SKAP1: variants seen among roughly 807,000 people sequenced by gnomAD.
The protein encoded by SKAP1 is src kinase-associated phosphoprotein 1.
SKAP1 carries 44 observed loss-of-function variants against 58.5 expected under a neutral mutation model. The observed-to-expected ratio is 0.75, with a 90% CI of 0.59 to 0.97. SKAP1 has a LOEUF of 0.97. Ranked by LOEUF, SKAP1 falls within the 50% of genes least tolerant of loss-of-function variation. SKAP1 has a pLI of 0.00. For missense variants in SKAP1, 390 were observed against 435.2 expected (o/e 0.90, Z 0.92); for synonymous variants, 127 against 149.7 (o/e 0.85, Z 1.11).
chr17:48,412,331 A>G (rs2067674813), intron 1 of SKAP1, among the ~76,000 whole-genome samples: 1 of 152,222 alleles, frequency 6.6e-6, no homozygotes, highest in Non-Finnish European at 1.5e-5. Flanking sequence ...TGCCATTTTC[A>G]TCATCTTCTT....
chr17:48,212,742 A>G (rs941180750), intron 4 of SKAP1, among the ~76,000 whole-genome samples: 2 of 152,216 alleles, frequency 1.3e-5, no homozygotes, highest in Non-Finnish European at 2.9e-5. Context: ...TATCTTTTCC[A>G]ATCTGATCTC....
intron 4 of SKAP1, among the ~76,000 whole-genome samples, chr17:48,335,940 T>C (rs1400012716): frequency 6.6e-6 from 1 of 152,158 alleles, no homozygotes; most frequent in Non-Finnish European, 1.5e-5. Flanking sequence ...TACGCACAGA[T>C]ACATATAACA....
chr17:48,159,255 GT>G (rs1483053141), intron 11 of SKAP1, among the ~76,000 whole-genome samples: 2 of 152,220 alleles, frequency 1.3e-5, no homozygotes, highest in African/African-American at 2.4e-5. Flanking sequence ...TTCTTTAGCA[GT>G]TTTGCAGTGT....
intron 4 of SKAP1, among the ~76,000 whole-genome samples, chr17:48,234,605 G>T (rs2065159854): frequency 6.6e-6 from 1 of 152,112 alleles, no homozygotes; most frequent in African/African-American, 2.4e-5. Context: ...TTAATCAGAT[G>T]CAATCCAACC....
chr17:48,139,157 G>C (rs922935436), intron 11 of SKAP1, among the ~76,000 whole-genome samples: 2 of 152,030 alleles, frequency 1.3e-5, no homozygotes, highest in African/African-American at 4.8e-5. Context: ...GGGATTACAG[G>C]TGTGAGCCAC....
intron 4 of SKAP1, among the ~76,000 whole-genome samples, chr17:48,321,262 A>G (rs2066358851): frequency 6.6e-6 from 1 of 152,040 alleles, no homozygotes; most frequent in African/African-American, 2.4e-5. Flanking sequence ...TTCAAGATAG[A>G]GAGATAGTTA....
chr17:48,281,406 C>G (rs1228423340), intron 4 of SKAP1, among the ~76,000 whole-genome samples: 16 of 152,190 alleles, frequency 1.1e-4, no homozygotes, highest in Admixed American at 9.2e-4. Flanking sequence ...ATGGCACTCC[C>G]TGATGGGGTT....
At chr17:48,248,906 A>G (rs1347689972) in intron 4 of SKAP1, 1 of 152,192 alleles carries the variant, frequency 6.6e-6, no homozygotes. Flanking sequence ...AGATAAGAAC[A>G]TTTAATTAGG....
intron 11 of SKAP1, among the ~76,000 whole-genome samples, chr17:48,147,309 T>TCATA (rs1372737364): frequency 1.3e-5 from 2 of 152,196 alleles, no homozygotes; most frequent in African/African-American, 2.4e-5. Flanking sequence ...TGTTTGTGCA[T>TCATA]CATACATTGC....
chr17:48,189,963 CCACCA>C (rs2064516908), intron 4 of SKAP1, among the ~76,000 whole-genome samples: 1 of 152,074 alleles, frequency 6.6e-6, no homozygotes, highest in African/African-American at 2.4e-5. Context: ...CAGACGTGAG[CCACCA>C]CACCCAGCCA....
chr17:48,375,531 T>C (rs1420126134), intron 2 of SKAP1, among the ~76,000 whole-genome samples: 4 of 152,200 alleles, frequency 2.6e-5, no homozygotes, highest in Admixed American at 6.5e-5. Flanking sequence ...AGCTTTCTGA[T>C]TGCAACACTG....
chr17:48,263,845 A>G (rs1037566801), intron 4 of SKAP1, among the ~76,000 whole-genome samples: 3 of 152,138 alleles, frequency 2.0e-5, no homozygotes, highest in African/African-American at 7.2e-5. Flanking sequence ...GGACAGTCGG[A>G]CCATTAGTTC....
At chr17:48,213,401 C>T (rs1369053060) in intron 4 of SKAP1, among the ~76,000 whole-genome samples, 4 of 151,656 alleles carry the variant, frequency 2.6e-5, no homozygotes, top group Admixed American at 2.6e-4. Flanking sequence ...TGCAAAGGCC[C>T]TTATACAGAG....
intron 9 of SKAP1, among the ~76,000 whole-genome samples, chr17:48,179,390 T>C (rs369010422): frequency 2.5e-4 from 38 of 152,330 alleles, no homozygotes; most frequent in African/African-American, 9.1e-4. Context: ...CCACCAGACA[T>C]GGCTATGCAG....
At chr17:48,304,965 C>G (rs1026852855) in intron 4 of SKAP1, among the ~76,000 whole-genome samples, 1 of 152,114 alleles carries the variant, frequency 6.6e-6, no homozygotes, top group Non-Finnish European at 1.5e-5. Context: ...TCAGGTTCAA[C>G]TCCTTATTCT....
chr17:48,410,541 T>C (rs1390455013), intron 1 of SKAP1, among the ~76,000 whole-genome samples: 1 of 152,054 alleles, frequency 6.6e-6, no homozygotes, highest in African/African-American at 2.4e-5. Flanking sequence ...ATATATAAGA[T>C]GAGCCTAAAG....
chr17:48,182,495 T>C (rs772526650), intron 7 of SKAP1, 38 bp from the exon 8 acceptor site: 13 of 1,465,054 alleles, frequency 8.9e-6, no homozygotes, highest in Admixed American at 1.8e-5. Context: ...TCACTGTCAC[T>C]AAAATTTCCA....
intron 11 of SKAP1, among the ~76,000 whole-genome samples, chr17:48,161,993 G>C (rs1382241323): frequency 6.6e-6 from 1 of 151,870 alleles, no homozygotes; most frequent in Non-Finnish European, 1.5e-5. Context: ...TTGAGATGGA[G>C]TCTTGCTCCA....
intron 4 of SKAP1, among the ~76,000 whole-genome samples, chr17:48,270,790 G>A (rs1306881693): frequency 6.6e-6 from 1 of 152,032 alleles, no homozygotes; most frequent in African/African-American, 2.4e-5. Context: ...ATGACATACT[G>A]TTCATGATTC....
Sources: gnomAD v4.1 joint callset for allele counts (sites outside exome capture counted in the v4.1 genomes callset) on GRCh38, gnomAD v4.1.1 for gene constraint, MANE v1.5 for transcripts, NCBI Gene and HGNC (gene_info 2026-07-23, HGNC 2026-07-21) for gene names.